Variants in NRXN3 observed in about 807,000 individuals in gnomAD.
NRXN3 encodes neurexin 3.
In NRXN3, 32 loss-of-function variants were observed where a neutral mutation model predicts 137.6. That is an observed-to-expected ratio of 0.23 (90% CI 0.18 to 0.31). NRXN3 has a LOEUF of 0.31. Ranked by LOEUF, NRXN3 falls within the 10% of genes least tolerant of loss-of-function variation. The pLI is 1.00. For synonymous variants in NRXN3, 798 were observed against 784.5 expected, an observed-to-expected ratio of 1.02 and a Z score of -0.29; for missense variants, 1,574 against 2,062.5, an observed-to-expected ratio of 0.76 and a Z score of 4.59.
intron 8 of NRXN3, among the ~76,000 whole-genome samples, chr14:78,766,955 C>T (rs1197224370): frequency 1.3e-5 from 2 of 152,186 alleles, no homozygotes; most frequent in African/African-American, 2.4e-5. Flanking sequence ...ACTTGCTCTC[C>T]AACAGAATTT....
chr14:78,867,401 C>G (rs761038323), intron 10 of NRXN3, among the ~76,000 whole-genome samples: 1 of 152,120 alleles, frequency 6.6e-6, no homozygotes, highest in Non-Finnish European at 1.5e-5. Context: ...ATTCTGTATT[C>G]ATAGAAAATA....
At chr14:79,721,564 G>C (rs1001629318) in intron 19 of NRXN3, among the ~76,000 whole-genome samples, 1 of 152,106 alleles carries the variant, frequency 6.6e-6, no homozygotes, top group Non-Finnish European at 1.5e-5. Context: ...GGAATGATTA[G>C]GGGAATTGAA....
chr14:79,385,329 G>A (rs566381406), intron 15 of NRXN3, among the ~76,000 whole-genome samples: 6 of 149,706 alleles, frequency 4.0e-5, no homozygotes, highest in South Asian at 2.1e-4. Flanking sequence ...TTGTTCTTGC[G>A]ATAGTTTACT....
Position 79,282,988 on chromosome 14 carries a change from G to A in NRXN3, c.3263-184233G>A, listed in dbSNP as rs78872497. 8.6e-3 allele frequency among the ~76,000 whole-genome samples: 1,313 copies of A among 152,192 alleles called. 25 individuals carry two copies. The highest frequency in any genetic ancestry group is 0.064 in the East Asian group (332 of 5,166). On this transcript the variant is annotated intron_variant, in intron 15 of 20. Transcript: ENST00000335750. Reference sequence around the variant, plus strand: ...CTGCACCCAAGCTGTGACCCTTTGCGTCTCTAACTAAAAGGACCAGAAGAC... The same window carrying A: ...CTGCACCCAAGCTGTGACCCTTTGCATCTCTAACTAAAAGGACCAGAAGAC...
At chr14:78,425,426 T>C (rs970481914) in intron 4 of NRXN3, among the ~76,000 whole-genome samples, 1 of 152,190 alleles carries the variant, frequency 6.6e-6, no homozygotes, top group Non-Finnish European at 1.5e-5. Context: ...GAATGATCTG[T>C]GGGGGAAGTG....
chr14:78,364,563 G>A (rs563873183), intron 4 of NRXN3, among the ~76,000 whole-genome samples: 1 of 152,146 alleles, frequency 6.6e-6, no homozygotes, highest in African/African-American at 2.4e-5. Context: ...GATGTCAGAT[G>A]TATACATGTG....
intron 15 of NRXN3, among the ~76,000 whole-genome samples, chr14:79,253,281 A>G (rs1450917415): frequency 2.0e-5 from 3 of 152,106 alleles, no homozygotes; most frequent in Admixed American, 2.0e-4. Context: ...TTGAACCACT[A>G]CTCGTAGATA....
At chr14:78,341,659 G>T (rs1263575182) in intron 4 of NRXN3, among the ~76,000 whole-genome samples, 1 of 152,180 alleles carries the variant, frequency 6.6e-6, no homozygotes, top group African/African-American at 2.4e-5. Context: ...CTGGTGCAAG[G>T]AAGGGAAGGC....
chr14:79,320,912 C>T (rs2089896538), intron 15 of NRXN3, among the ~76,000 whole-genome samples: 1 of 147,382 alleles, frequency 6.8e-6, no homozygotes. Flanking sequence ...TTTATTTATT[C>T]TTGAACTCCA....
intron 10 of NRXN3, among the ~76,000 whole-genome samples, chr14:78,918,861 C>T (rs1259830652): frequency 2.0e-5 from 3 of 152,114 alleles, no homozygotes; most frequent in Non-Finnish European, 4.4e-5. Context: ...GTAGAGGTTA[C>T]ACCATCCAGG....
chr14:78,441,020 G>A (rs907430440), intron 4 of NRXN3, among the ~76,000 whole-genome samples: 11 of 152,176 alleles, frequency 7.2e-5, no homozygotes, highest in African/African-American at 2.7e-4. Flanking sequence ...CAGTCTGTCT[G>A]TCTGTCTTGA....
intron 6 of NRXN3, among the ~76,000 whole-genome samples, chr14:78,661,909 A>G (rs776907231): frequency 4.1e-5 from 6 of 145,474 alleles, no homozygotes; most frequent in Non-Finnish European, 9.0e-5. Flanking sequence ...TTTTTTTCTG[A>G]GACAGTGTCT....
At chr14:78,759,621 C>A (rs879721955) in intron 8 of NRXN3, among the ~76,000 whole-genome samples, 15 of 152,256 alleles carry the variant, frequency 9.9e-5, no homozygotes, top group Admixed American at 9.8e-4. Flanking sequence ...TGCTTCTTAG[C>A]CCTGACTCTA....
chr14:79,410,566 T>C lies in NRXN3; in HGVS notation c.3263-56655T>C, dbSNP rs74248996. ...CAATATCAAGTAATAATTAAAGTTA[T>C]AAGCTCTTGGTTTGAATTCTTGCTC... On this transcript the variant is annotated intron_variant, in intron 15 of 20. Coordinates refer to ENST00000335750, the MANE Select transcript of NRXN3 (RefSeq NM_001330195.2). Among the ~76,000 whole-genome samples, 1,308 of 152,164 alleles carry C rather than the reference T, an allele frequency of 8.6e-3. 33 individuals are homozygous for C. In the East Asian group the frequency reaches 0.099, roughly 12 times the overall value.
chr14:78,793,731 C>T (rs2098812619), intron 8 of NRXN3, among the ~76,000 whole-genome samples: 1 of 152,098 alleles, frequency 6.6e-6, no homozygotes, highest in South Asian at 2.1e-4. Flanking sequence ...TACCGAGGCT[C>T]CAGACCCCAG....
rs185896953 is a variant in NRXN3 at position 79,751,343 on chromosome 14, G to A, written c.4014+53406G>A. The stretch of plus-strand genomic sequence containing the variant: ...ATTCTCTTTGAAGCAATTGTGACTG[G>A]GAGTTCACTCATGATTTGGCTCTCT... On this transcript the variant is annotated intron_variant, in intron 19 of 20. Transcript: ENST00000335750. 2.3e-3 allele frequency among the ~76,000 whole-genome samples: 347 copies of A among 152,066 alleles called. 12 individuals are homozygous for A. The East Asian group carries it at 0.044, about 19-fold the overall frequency.
chr14:79,768,755 G>A (rs557174846), intron 19 of NRXN3, among the ~76,000 whole-genome samples: 141 of 152,294 alleles, frequency 9.3e-4, no homozygotes, highest in African/African-American at 2.6e-3. Flanking sequence ...CACCAGCAAC[G>A]GAACAAAGCT....
chr14:78,307,846 G>A (rs548141978), intron 4 of NRXN3, among the ~76,000 whole-genome samples: 43 of 152,230 alleles, frequency 2.8e-4, no homozygotes, highest in African/African-American at 9.4e-4. Flanking sequence ...GATCCCAGAT[G>A]GCAGCTTGGC....
intron 15 of NRXN3, among the ~76,000 whole-genome samples, chr14:79,282,501 C>G (rs909266484): frequency 1.3e-5 from 2 of 152,078 alleles, no homozygotes; most frequent in Non-Finnish European, 2.9e-5. Flanking sequence ...CAGTCTCTCT[C>G]TCTCTCTCTC....
Sources: gnomAD v4.1 joint callset for allele counts (sites outside exome capture counted in the v4.1 genomes callset) on GRCh38, gnomAD v4.1.1 for gene constraint, MANE v1.5 for transcripts, NCBI Gene and HGNC (gene_info 2026-07-23, HGNC 2026-07-21) for gene names.